Variants in PCDH9 observed in about 807,000 individuals in gnomAD.
PCDH9 encodes the protein protocadherin-9.
A neutral mutation model predicts 70.6 loss-of-function variants in PCDH9; 24 were observed. The ratio of observed to expected loss-of-function variants is 0.34; its 90% CI spans 0.25 to 0.48. The LOEUF (loss-of-function observed/expected upper bound fraction) is 0.48, where lower values mean the gene tolerates loss of function less well. PCDH9 is among the 20% of genes least tolerant of loss of function. PCDH9 has a pLI of 0.99. For synonymous variants in PCDH9, 562 were observed against 558.5 expected, an observed-to-expected ratio of 1.01 and a Z score of -0.09; for missense variants, 1,281 against 1,503.6, an observed-to-expected ratio of 0.85 and a Z score of 2.45.
At chr13:66,447,504 A>G (rs1350270455) in intron 4 of PCDH9, among the ~76,000 whole-genome samples, 1 of 152,194 alleles carries the variant, frequency 6.6e-6, no homozygotes, top group East Asian at 1.9e-4. Flanking sequence ...AATTTTTGCA[A>G]ATAAAAAAAT....
chr13:66,578,391 G>A (rs79847255), intron 4 of PCDH9, among the ~76,000 whole-genome samples: 2,090 of 149,792 alleles, frequency 0.014, 37 homozygotes, highest in East Asian at 0.039. Context: ...TTTTTTTTTC[G>A]TCTTTAGAGT....
intron 3 of PCDH9, among the ~76,000 whole-genome samples, chr13:66,773,617 C>G (rs191338464): frequency 0.022 from 3,331 of 149,450 alleles, 130 homozygotes; most frequent in African/African-American, 0.076. Context: ...GCGACAGAGC[C>G]AGACACCGTC....
intron 3 of PCDH9, among the ~76,000 whole-genome samples, chr13:66,878,032 G>T (rs2081849547): frequency 6.6e-6 from 1 of 151,982 alleles, no homozygotes; most frequent in South Asian, 2.1e-4. Flanking sequence ...TTCAATCTAA[G>T]AGATTTTTTA....
At position 66,980,730 on chromosome 13, in the gene PCDH9, G is replaced by GTTTTTTTTTTTTTT; in HGVS notation, c.3037-77126_3037-77125insAAAAAAAAAAAAAA. 8.5e-3 allele frequency among the ~76,000 whole-genome samples: 602 copies of GTTTTTTTTTTTTTT among 70,876 alleles called. 21 individuals are homozygous for GTTTTTTTTTTTTTT. The highest frequency in any genetic ancestry group is 0.033 in the Middle Eastern group (2 of 60). The allele number at this position is 70,876 out of a possible 152,430, so 46.5% of individuals were successfully genotyped here. On this transcript the variant is annotated intron_variant, in intron 2 of 4. Coordinates refer to ENST00000377865, the MANE Select transcript of PCDH9 (RefSeq NM_203487.3). ...TTTGTTTTTTCCTGTTTTTTTCTTT[G>GTTTTTTTTTTTTTT]TTTTTTTTTTTGTTTTTTTTTTTAC...
intron 2 of PCDH9, among the ~76,000 whole-genome samples, chr13:66,910,516 C>T (rs1206396864): frequency 9.0e-6 from 1 of 111,368 alleles, no homozygotes; most frequent in Non-Finnish European, 1.8e-5. Context: ...TATAAGAATG[C>T]TTTATGCGTA....
intron 2 of PCDH9, among the ~76,000 whole-genome samples, chr13:66,992,804 A>G (rs1381138272): frequency 6.6e-6 from 1 of 152,120 alleles, no homozygotes; most frequent in African/African-American, 2.4e-5. Flanking sequence ...AGGATCTTCT[A>G]GGGCCAAAGT....
chr13:66,677,783 G>A (rs1439377636), intron 3 of PCDH9, among the ~76,000 whole-genome samples: 1 of 152,114 alleles, frequency 6.6e-6, no homozygotes, highest in Non-Finnish European at 1.5e-5. Context: ...ACAGAATTGT[G>A]AGTCAATTGA....
At chr13:66,903,431 T>C (rs2082308995) in intron 3 of PCDH9, 73 bp downstream of exon 3, 7 of 579,706 alleles carry the variant, frequency 1.2e-5, no homozygotes, top group South Asian at 7.9e-5. Context: ...CTAATTAAGA[T>C]AGAGTATTTA....
chr13:66,785,255 A>T (rs1009676718), intron 3 of PCDH9, among the ~76,000 whole-genome samples: 2 of 152,096 alleles, frequency 1.3e-5, no homozygotes, highest in Admixed American at 1.3e-4. Context: ...CATAATAAAA[A>T]GTAAATAAAT....
intron 4 of PCDH9, among the ~76,000 whole-genome samples, chr13:66,438,101 G>T (rs971813612): frequency 6.6e-6 from 1 of 151,894 alleles, no homozygotes; most frequent in Non-Finnish European, 1.5e-5. Context: ...GAGTGTGATG[G>T]CATACATCTG....
chr13:66,344,449 C>T (rs890951918), intron 4 of PCDH9, among the ~76,000 whole-genome samples: 2 of 152,056 alleles, frequency 1.3e-5, no homozygotes, highest in African/African-American at 2.4e-5. Flanking sequence ...TAACTCTTCA[C>T]CTGACAGTGG....
chr13:66,699,075 C>T (rs1004846499), intron 3 of PCDH9, among the ~76,000 whole-genome samples: 1 of 151,604 alleles, frequency 6.6e-6, no homozygotes, highest in African/African-American at 2.4e-5. Context: ...CCATCATGTC[C>T]GGCTAATTTT....
chr13:66,731,405 A>G (rs1338855453), intron 3 of PCDH9, among the ~76,000 whole-genome samples: 1 of 152,092 alleles, frequency 6.6e-6, no homozygotes, highest in African/African-American at 2.4e-5. Flanking sequence ...TAGATTTTGA[A>G]CTAAATTTAT....
intron 3 of PCDH9, among the ~76,000 whole-genome samples, chr13:66,761,357 AGT>A (rs1357090646): frequency 6.6e-6 from 1 of 152,150 alleles, no homozygotes; most frequent in Non-Finnish European, 1.5e-5. Context: ...CTCCCCCAAT[AGT>A]TGGACATTCC....
chr13:66,885,405 T>C (rs2081989616), intron 3 of PCDH9, among the ~76,000 whole-genome samples: 1 of 152,178 alleles, frequency 6.6e-6, no homozygotes, highest in African/African-American at 2.4e-5. Context: ...TAGCAGTAGA[T>C]AAGCAATATG....
chr13:66,680,748 C>A (rs565092697), intron 3 of PCDH9, among the ~76,000 whole-genome samples: 109 of 151,944 alleles, frequency 7.2e-4, no homozygotes, highest in Non-Finnish European at 1.2e-3. Flanking sequence ...ATTAAACTTC[C>A]CCAAGCGCAA....
At position 67,051,303 on chromosome 13, in the gene PCDH9, T is replaced by A. The variant is rs766616245; in HGVS notation, c.3037-147698A>T. Among the ~76,000 whole-genome samples, 26 of 152,040 alleles carry A rather than the reference T, an allele frequency of 1.7e-4. 1 individual carries two copies. The highest frequency in any genetic ancestry group is 3.9e-4 in the Admixed American group (6 of 15,276). ...TAGCGTTGATTCACTCTCTTTGTGATGTCATCTTTTTGGGAGGTGGGTCTG... is the reference window on the plus strand; with the variant it reads ...TAGCGTTGATTCACTCTCTTTGTGAAGTCATCTTTTTGGGAGGTGGGTCTG... On this transcript the variant is annotated intron_variant, in intron 2 of 4. Coordinates refer to ENST00000377865, the MANE Select transcript of PCDH9 (RefSeq NM_203487.3).
chr13:66,760,552 C>G (rs2079608577), intron 3 of PCDH9, among the ~76,000 whole-genome samples: 1 of 152,160 alleles, frequency 6.6e-6, no homozygotes. Context: ...TATGTCACCT[C>G]AGGACCCTGT....
intron 2 of PCDH9, among the ~76,000 whole-genome samples, chr13:67,192,805 A>G (rs932135616): frequency 2.0e-5 from 3 of 152,146 alleles, no homozygotes; most frequent in Admixed American, 2.0e-4. Flanking sequence ...CACCTTTGAA[A>G]CCACTCGATT....
Sources: gnomAD v4.1 joint callset for allele counts (sites outside exome capture counted in the v4.1 genomes callset) on GRCh38, gnomAD v4.1.1 for gene constraint, MANE v1.5 for transcripts, NCBI Gene and HGNC (gene_info 2026-07-23, HGNC 2026-07-21) for gene names.